The following TIMM50 variants were observed in gnomAD, a reference collection of about 807,000 sequenced individuals.
TIMM50 encodes the protein translocase of inner mitochondrial membrane 50, also known as mitochondrial import inner membrane translocase subunit TIM50.
A neutral mutation model predicts 49.6 loss-of-function variants in TIMM50; 34 were observed. The observed-to-expected ratio is 0.69, with a 90% confidence interval of 0.52 to 0.91. The LOEUF is 0.91. Among genes scored for constraint, TIMM50 ranks in the 40% least tolerant of loss-of-function variants. The pLI, the probability that TIMM50 is intolerant of heterozygous loss-of-function variation, is 0.00. For synonymous variants in TIMM50, 199 were observed against 198.4 expected, an observed-to-expected ratio of 1.00 and a Z score of -0.03; for missense variants, 458 against 477.8, an observed-to-expected ratio of 0.96 and a Z score of 0.39.
chr19:39,480,944 C>T lies in TIMM50; in HGVS notation c.91C>T (p.Arg31Cys), dbSNP rs1286835357. 6.3e-7 allele frequency: 1 copy of T among 1,586,216 alleles called. No individual in the cohort carries two copies. The highest frequency in any genetic ancestry group is 1.7e-5 in the Admixed American group (1 of 57,614). The change falls in exon 1 of 11, where the codon CGC (arginine) becomes TGC (cysteine). Residue 31 changes from arginine to cysteine, a missense_variant. Transcript: ENST00000607714. ...GTGCACGAGGTTGGCGACGCCGCCC[C>T]GCCGGGCCCCAGATCAGGTGAGCGG... ...GLCTRLATPP[R>C]RAPDQAAEIG...
chr19:39,489,632 G>C (rs182278257), intron 10 of TIMM50, 87 bp from the exon 11 acceptor site: 328 of 1,272,992 alleles, frequency 2.6e-4, no homozygotes, highest in Non-Finnish European at 3.3e-4. Flanking sequence ...GGTGGTCCCT[G>C]GGCTGAGGCC....
chr19:39,485,739 C>G lies in TIMM50; in HGVS notation c.424C>G (p.Pro142Ala). The G allele has an allele frequency of 6.2e-7, 1 of 1,614,160 alleles. No homozygotes were observed. The highest frequency in any genetic ancestry group is 8.5e-7 in the Non-Finnish European group (1 of 1,180,028). Reference sequence around the variant, plus strand: ...CCTTCTCCCAGACCCTCTGCAGGAACCGTACTACCAGCCACCCTACACGCT... The same window carrying G: ...CCTTCTCCCAGACCCTCTGCAGGAAGCGTACTACCAGCCACCCTACACGCT... ...PCLLPDPLQE[P>A]YYQPPYTLVL... Residue 142 changes from proline (P) to alanine (A), a missense_variant, in exon 6 of 11, where the codon CCG (proline) becomes GCG (alanine). Physicochemically the swap from Pro to Ala is conservative, Grantham distance 27. Coordinates refer to ENST00000607714, the MANE Select transcript of TIMM50 (RefSeq NM_001001563.5).
At chr19:39,489,203 A>AC (rs1374731296) in intron 10 of TIMM50, among the ~76,000 whole-genome samples, 2 of 150,768 alleles carry the variant, frequency 1.3e-5, no homozygotes, top group Non-Finnish European at 3.0e-5. Context: ...CCCCCAGGGA[A>AC]CCCCCCACCC....
rs968658678 is a variant in TIMM50 at position 39,492,781 on chromosome 19, G to C, written c.*2961G>C. 1 of 129,836 alleles carries C rather than the reference G, an allele frequency of 7.7e-6. No homozygotes were observed. Among genetic ancestry groups the C allele is most frequent in the East Asian group, 2.6e-4 (1 of 3,850 alleles). The allele number at this position is 129,836 out of a possible 1,614,324, so 8.0% of individuals were successfully genotyped here. On this transcript the variant is annotated 3_prime_UTR_variant, in exon 11 of 11. Transcript: ENST00000607714. ...AGCTACTTGGGAGGCTGAGGCAGGA[G>C]AATCGATTAAACCCAGGAGGCAGAG...
intron 6 of TIMM50, 97 bp from the exon 7 acceptor site, chr19:39,486,090 C>T: frequency 7.7e-7 from 1 of 1,301,062 alleles, no homozygotes; most frequent in South Asian, 1.2e-5. Context: ...AGGGAGAGAA[C>T]TCTGTTCTGG....
chr19:39,488,530 T>C lies in TIMM50; in HGVS notation c.854-9T>C, dbSNP rs749207594. Reference sequence around the variant, plus strand: ...AAGCCTGGCTGACCACCCCCTGTTGTGCCCACAGCCATTGCACTGAATGGT... The same window carrying C: ...AAGCCTGGCTGACCACCCCCTGTTGCGCCCACAGCCATTGCACTGAATGGT... On this transcript the variant is annotated splice_polypyrimidine_tract_variant and intron_variant, in intron 9 of 10. Transcript: ENST00000607714. 1 of 1,611,370 alleles carries C rather than the reference T, an allele frequency of 6.2e-7. No homozygotes were observed. The highest frequency in any genetic ancestry group is 1.3e-5 in the African/African-American group (1 of 74,856).
intron 4 of TIMM50, chr19:39,484,960 T>G (rs1188214694): frequency 6.8e-6 from 1 of 147,116 alleles, no homozygotes; most frequent in African/African-American, 2.6e-5. Context: ...GGTTTTGTTT[T>G]GTTTTTTTTT....
At chr19:39,481,212 G>C (rs538543543) in intron 1 of TIMM50, 16 of 546,934 alleles carry the variant, frequency 2.9e-5, no homozygotes, top group African/African-American at 2.4e-4. Flanking sequence ...ACCGTTCCCC[G>C]TTTCAGTGAC....
chr19:39,481,830 G>A, intron 1 of TIMM50, 53 bp from the exon 2 acceptor site: 3 of 1,580,832 alleles, frequency 1.9e-6, no homozygotes, highest in Non-Finnish European at 2.6e-6. Flanking sequence ...GGAGGGTGGG[G>A]ACCATCCTGA....
In TIMM50 at chr19:39,491,357, CAG is replaced by C. The variant is rs931054757; in HGVS notation, c.*1538_*1539del. On this transcript the variant is annotated 3_prime_UTR_variant, in exon 11 of 11. Transcript: ENST00000607714. ...AATTTTTGTATTTTTTTAGTAGAGA[CAG>C]GGTTTCACCATGTTGGTTAGGCTGG... The C allele has an allele frequency of 5.3e-5, 8 of 151,512 alleles. No individual in the cohort carries two copies. Among genetic ancestry groups the C allele is most frequent in the African/African-American group, 1.7e-4 (7 of 41,212 alleles). The allele number at this position is 151,512 out of a possible 1,614,324, so 9.4% of individuals were successfully genotyped here.
Position 39,486,398 on chromosome 19 carries a change from C to G in TIMM50, c.599C>G (p.Thr200Ser), listed in dbSNP as rs770252256. The G allele has an allele frequency of 1.6e-5, 26 of 1,614,062 alleles. No individual in the cohort carries two copies. Among genetic ancestry groups the G allele is most frequent in the Non-Finnish European group, 2.1e-5 (25 of 1,180,012 alleles). The change falls in exon 8 of 11, where the codon ACT (threonine) becomes AGT (serine). Residue 200 changes from threonine (T) to serine (S), a missense_variant and splice_region_variant. Physicochemically the swap from Thr to Ser is moderately conservative, Grantham distance 58. Transcript: ENST00000607714. ...IVIFTSETGM[T>S]AFPLIDSVDP... is the part of the protein sequence containing the mutation. ...TTCTCGCTCCCTTCCCACCCCCAGA[C>G]TGCGTTTCCACTCATTGATAGTGTG... is the stretch of plus-strand genomic sequence containing the variant.
In TIMM50 at chr19:39,491,840, A is replaced by C. The variant is rs1035151049; in HGVS notation, c.*2020A>C. ...AGACCCTGTCTCAAAAAAAAAAAAAAAAAAAAAAAAACCTTAAGATTTTTT... is the reference window on the plus strand; with the variant it reads ...AGACCCTGTCTCAAAAAAAAAAAAACAAAAAAAAAAACCTTAAGATTTTTT... On this transcript the variant is annotated 3_prime_UTR_variant, in exon 11 of 11. Coordinates refer to ENST00000607714, the MANE Select transcript of TIMM50 (RefSeq NM_001001563.5). The C allele has an allele frequency of 5.9e-5, 9 of 151,428 alleles. No homozygotes were observed. The highest frequency in any genetic ancestry group is 1.3e-4 in the Admixed American group (2 of 15,228). 9.4% of individuals were successfully genotyped at this position (151,428 alleles called of 1,614,324 possible).
At position 39,486,219 on chromosome 19, in the gene TIMM50, A is replaced by G; in HGVS notation, c.525A>G (p.Pro175=). The change falls in exon 7 of 11, where the codon CCA becomes CCG. Residue 175 remains proline, a synonymous_variant. Transcript: ENST00000607714. ...CTGGCTGGAGGTTTAAGAAGCGCCC[A>G]GGCATCGAGACCTTGTTCCAGCAGC... ...LATGWRFKKR[P]GIETLFQQLA... The G allele has an allele frequency of 6.2e-7, 1 of 1,614,184 alleles. No homozygotes were observed. The highest frequency in any genetic ancestry group is 8.5e-7 in the Non-Finnish European group (1 of 1,180,024).
Sources: allele counts gnomAD v4.1 joint callset (sites outside exome capture counted in the v4.1 genomes callset), GRCh38; gene constraint gnomAD v4.1.1; transcripts MANE v1.5; gene names NCBI Gene and HGNC (gene_info 2026-07-23, HGNC 2026-07-21).